The following LRRIQ3 variants were observed in gnomAD, a reference collection of about 807,000 sequenced individuals.
LRRIQ3 encodes leucine rich repeats and IQ motif containing 3, also known as leucine-rich repeat and IQ domain-containing protein 3.
In LRRIQ3, 75 loss-of-function variants were observed where a neutral mutation model predicts 59.3. The observed-to-expected ratio is 1.26, with a 90% CI of 1.05 to 1.53. The LOEUF (loss-of-function observed/expected upper bound fraction) is 1.53, where lower values mean the gene tolerates loss of function less well. Among genes scored for constraint, LRRIQ3 ranks in the 40% most tolerant of loss-of-function variants. The probability of loss-of-function intolerance (pLI) is 0.00; values close to 1 mark genes in which losing one functional copy is unlikely to be tolerated. For synonymous variants in LRRIQ3, 250 were observed against 231.3 expected (o/e 1.08, Z -0.73); for missense variants, 831 against 710.0 (o/e 1.17, Z -1.94).
chr1:74,030,729 C>T (rs1025368669), intron 7 of LRRIQ3, among the ~76,000 whole-genome samples: 7 of 151,946 alleles, frequency 4.6e-5, no homozygotes, highest in Admixed American at 6.6e-5. Flanking sequence ...AAACACCAAA[C>T]GCAATGGCAA....
chr1:74,045,507 C>A (rs1654174754), intron 6 of LRRIQ3, among the ~76,000 whole-genome samples: 1 of 152,128 alleles, frequency 6.6e-6, no homozygotes, highest in African/African-American at 2.4e-5. Flanking sequence ...CAACATCATA[C>A]TGAATGGGCA....
chr1:74,027,723 A>T (rs1169612968), intron 7 of LRRIQ3, among the ~76,000 whole-genome samples: 1 of 152,096 alleles, frequency 6.6e-6, no homozygotes, highest in East Asian at 1.9e-4. Flanking sequence ...TCATTCATTC[A>T]TCCTTATTTA....
chr1:74,190,308 T>C (rs954780700), intron 1 of LRRIQ3, among the ~76,000 whole-genome samples: 14 of 152,004 alleles, frequency 9.2e-5, no homozygotes, highest in Admixed American at 2.6e-4. Flanking sequence ...GGTAGAGAGA[T>C]AGATATTCTA....
intron 4 of LRRIQ3, chr1:74,144,415 G>T: frequency 3.1e-6 from 1 of 318,712 alleles, no homozygotes; most frequent in South Asian, 2.7e-5. Context: ...ATTTTCAATA[G>T]ATTTTATATT....
At chr1:74,155,673 A>G in intron 4 of LRRIQ3, 60 bp downstream of exon 4, 3 of 1,443,554 alleles carry the variant, frequency 2.1e-6, no homozygotes, top group Non-Finnish European at 2.8e-6. Context: ...TTGACTTCTT[A>G]TCATTTATTT....
chr1:74,165,007 G>A (rs1389327688), intron 3 of LRRIQ3, among the ~76,000 whole-genome samples: 1 of 151,354 alleles, frequency 6.6e-6, no homozygotes, highest in Non-Finnish European at 1.5e-5. Context: ...TTTATTTTCT[G>A]TTCTATTGAT....
intron 5 of LRRIQ3, among the ~76,000 whole-genome samples, chr1:74,078,134 T>C (rs1345126357): frequency 6.6e-6 from 1 of 151,916 alleles, no homozygotes; most frequent in African/African-American, 2.4e-5. Flanking sequence ...CTTCGCATGG[T>C]AAACCTGTAT....
At chr1:74,032,390 C>T (rs558979243) in intron 7 of LRRIQ3, among the ~76,000 whole-genome samples, 11 of 151,990 alleles carry the variant, frequency 7.2e-5, no homozygotes, top group African/African-American at 2.7e-4. Context: ...CACATTGTGG[C>T]TAGTTGGGTT....
intron 4 of LRRIQ3, among the ~76,000 whole-genome samples, chr1:74,119,151 T>A (rs1032387886): frequency 7.2e-5 from 11 of 151,894 alleles, no homozygotes; most frequent in South Asian, 2.1e-4. Flanking sequence ...TTTTATTTTT[T>A]AAAATGGTGA....
chr1:74,188,928 T>G (rs1650579634), intron 1 of LRRIQ3, among the ~76,000 whole-genome samples: 2 of 152,198 alleles, frequency 1.3e-5, no homozygotes, highest in African/African-American at 4.8e-5. Flanking sequence ...AAAAGGTTTA[T>G]TTTTCAATTA....
In LRRIQ3 at chr1:74,041,297, A is replaced by G. The variant is rs1654036518; in HGVS notation, c.1634T>C (p.Leu545Pro). 1 of 1,612,838 alleles carries G rather than the reference A, an allele frequency of 6.2e-7. No homozygotes were observed. The highest frequency in any genetic ancestry group is 8.5e-7 in the Non-Finnish European group (1 of 1,179,642). Residue 545 changes from leucine (L) to proline (P), a missense_variant, in exon 7 of 8, where the codon CTA becomes CCA. Transcript: ENST00000354431. ...CTTAACAATCAGGCTTTTCTCTTTT[A>G]GGACAGCCTCATTCTTCTCCAGTCT... ...IDRLEKNEAV[L>P]KEKSLIVKQK...
At chr1:74,131,504 G>C (rs1570171914) in intron 4 of LRRIQ3, among the ~76,000 whole-genome samples, 2 of 152,262 alleles carry the variant, frequency 1.3e-5, no homozygotes, top group Admixed American at 1.3e-4. Flanking sequence ...GAATCCAGCA[G>C]CACATCAAAA....
rs1443170326 is a variant in LRRIQ3, at chr1:74,084,182, CT to C, written c.868-9393del. 1.8e-5 allele frequency: 28 copies of C among 1,547,210 alleles called. No individual in the cohort carries two copies. The Admixed American group carries it at 5.5e-4, about 30-fold the overall frequency. ...GAGATGAATACACACATCCAGCCCA[CT>C]TCAGTGAAAATTGACCCATAATTTT... On this transcript the variant is annotated intron_variant, in intron 5 of 7. Transcript: ENST00000354431.
chr1:74,154,601 C>T (rs1042254835), intron 4 of LRRIQ3, among the ~76,000 whole-genome samples: 1 of 152,108 alleles, frequency 6.6e-6, no homozygotes, highest in Admixed American at 6.6e-5. Flanking sequence ...TCAGTGAGAA[C>T]CTTCATTCTA....
In LRRIQ3 at chr1:74,182,544, C is replaced by A; in HGVS notation, c.567G>T (p.Leu189Phe). ...CCCTAAAGAAGCCAATTACCTTTCT[C>A]AAAGCTGGGCAGAAATTAAAGAAAA... is the stretch of plus-strand genomic sequence containing the variant. ...HRLFFNFCPA[L>F]RKGTTYEEEI... is the part of the protein sequence containing the mutation. Residue 189 changes from leucine (L) to phenylalanine (F), a missense_variant, in exon 3 of 8, where the codon TTG becomes TTT. Coordinates refer to ENST00000354431, the MANE Select transcript of LRRIQ3 (RefSeq NM_001105659.2). 2 of 1,534,454 alleles carry A rather than the reference C, an allele frequency of 1.3e-6. No individual in the cohort carries two copies. The highest frequency in any genetic ancestry group is 1.4e-5 in the African/African-American group (1 of 72,366).
intron 7 of LRRIQ3, among the ~76,000 whole-genome samples, chr1:74,034,385 T>C (rs932409874): frequency 3.3e-5 from 5 of 151,978 alleles, no homozygotes; most frequent in African/African-American, 1.2e-4. Context: ...GCTCTGCAGG[T>C]TAATACTTTT....
chr1:74,050,803 C>T (rs140329423), intron 6 of LRRIQ3, among the ~76,000 whole-genome samples: 2 of 152,262 alleles, frequency 1.3e-5, no homozygotes, highest in South Asian at 2.1e-4. Flanking sequence ...ACTTCTGTCA[C>T]GTACTGAGTT....
chr1:74,070,395 G>A (rs1418950750), intron 6 of LRRIQ3, among the ~76,000 whole-genome samples: 1 of 151,912 alleles, frequency 6.6e-6, no homozygotes, highest in Non-Finnish European at 1.5e-5. Context: ...AAATACCACA[G>A]GATCTCACTT....
rs368945201 is a variant in LRRIQ3, at chr1:74,174,565, T to C, written c.573+7973A>G. On this transcript the variant is annotated intron_variant, in intron 3 of 7. Coordinates refer to ENST00000354431, the MANE Select transcript of LRRIQ3 (RefSeq NM_001105659.2). ...GCCTGGCTATTTTTTTTTTTTTTTT[T>C]GTATTTTTAGTAGAGACAGAGTTTT... is the stretch of plus-strand genomic sequence containing the variant. Among the ~76,000 whole-genome samples, 371 of 121,458 alleles carry C rather than the reference T, an allele frequency of 3.1e-3. 1 individual carries two copies. Among genetic ancestry groups the C allele is most frequent in the African/African-American group, 0.011 (361 of 34,196 alleles). 79.7% of individuals were successfully genotyped at this position (121,458 alleles called of 152,430 possible).
Sources: allele counts gnomAD v4.1 joint callset (sites outside exome capture counted in the v4.1 genomes callset), GRCh38; gene constraint gnomAD v4.1.1; transcripts MANE v1.5; gene names NCBI Gene and HGNC (gene_info 2026-07-23, HGNC 2026-07-21).